MOV10L1: variants seen among roughly 807,000 people sequenced by gnomAD.
The protein encoded by MOV10L1 is RNA helicase Mov10l1.
A neutral mutation model predicts 143.8 loss-of-function variants in MOV10L1; 110 were observed. The ratio of observed to expected loss-of-function variants is 0.76; its 90% CI spans 0.66 to 0.90. MOV10L1 has a LOEUF of 0.90. Among genes scored for constraint, MOV10L1 ranks in the 40% least tolerant of loss-of-function variants. The pLI is 0.00. For synonymous variants in MOV10L1, 593 were observed against 581.1 expected (o/e 1.02, Z -0.29); for missense variants, 1,406 against 1,526.8 (o/e 0.92, Z 1.32).
chr22:50,151,303 T>C (rs2063292222), intron 21 of MOV10L1, among the ~76,000 whole-genome samples: 1 of 152,210 alleles, frequency 6.6e-6, no homozygotes, highest in African/African-American at 2.4e-5. Context: ...GATTTGCATC[T>C]TTGGAGCCCC....
chr22:50,127,763 A>G (rs540420215), intron 12 of MOV10L1, among the ~76,000 whole-genome samples: 215 of 150,762 alleles, frequency 1.4e-3, no homozygotes, highest in African/African-American at 5.1e-3. Context: ...TAAGTCTTGT[A>G]ATGACTGTTT....
chr22:50,107,670 G>A (rs959523877), intron 3 of MOV10L1, among the ~76,000 whole-genome samples: 17 of 152,160 alleles, frequency 1.1e-4, no homozygotes, highest in Non-Finnish European at 8.8e-5. Flanking sequence ...TCTTGCGTCC[G>A]GCAGGCCATG....
intron 3 of MOV10L1, among the ~76,000 whole-genome samples, chr22:50,100,864 C>G (rs1341562980): frequency 6.6e-6 from 1 of 152,148 alleles, no homozygotes; most frequent in Non-Finnish European, 1.5e-5. Context: ...GTTTTTATAC[C>G]TAAAGAAAGA....
intron 13 of MOV10L1, among the ~76,000 whole-genome samples, chr22:50,131,500 CT>C (rs1188229765): frequency 2.0e-5 from 3 of 152,126 alleles, no homozygotes; most frequent in Non-Finnish European, 2.9e-5. Context: ...AATGATGCAT[CT>C]CAGAAATCTG....
chr22:50,150,939 G>C, intron 21 of MOV10L1, 40 bp downstream of exon 21: 1 of 1,611,906 alleles, frequency 6.2e-7, no homozygotes, highest in South Asian at 1.1e-5. Flanking sequence ...CCCCAGCTAA[G>C]CAGACACAGG....
At chr22:50,136,013 CA>C (rs1374329824) in intron 15 of MOV10L1, among the ~76,000 whole-genome samples, 1 of 152,068 alleles carries the variant, frequency 6.6e-6, no homozygotes, top group African/African-American at 2.4e-5. Flanking sequence ...ATCTAATACT[CA>C]AAAATGCTCA....
chr22:50,134,272 C>T (rs1194803906), intron 14 of MOV10L1, among the ~76,000 whole-genome samples: 3 of 151,846 alleles, frequency 2.0e-5, no homozygotes, highest in Non-Finnish European at 4.4e-5. Flanking sequence ...CTTAAATAAC[C>T]GAAAATAAAT....
chr22:50,161,562 G>T lies in MOV10L1; in HGVS notation c.*113G>T, dbSNP rs1041400953. ...TTGTCTCGCAGCCAGGCAGGGTCGTGTGTGGGTGTGGGGCTGCCAGGTTGG... is the reference window on the plus strand; with the variant it reads ...TTGTCTCGCAGCCAGGCAGGGTCGTTTGTGGGTGTGGGGCTGCCAGGTTGG... On this transcript the variant is annotated 3_prime_UTR_variant, in exon 27 of 27. Coordinates refer to ENST00000262794, the MANE Select transcript of MOV10L1 (RefSeq NM_018995.3). 30 of 1,065,402 alleles carry T rather than the reference G, an allele frequency of 2.8e-5. No homozygotes were observed. The highest frequency in any genetic ancestry group is 3.6e-5 in the Non-Finnish European group (27 of 746,174). 66.0% of individuals were successfully genotyped at this position (1,065,402 alleles called of 1,614,324 possible).
chr22:50,143,552 G>A (rs2063050623), intron 17 of MOV10L1, among the ~76,000 whole-genome samples: 1 of 152,194 alleles, frequency 6.6e-6, no homozygotes, highest in East Asian at 1.9e-4. Flanking sequence ...TTGAAGTTAA[G>A]TTTATGAAAC....
chr22:50,114,268 C>T (rs2062106799), intron 6 of MOV10L1, 113 bp from the exon 7 acceptor site: 2 of 1,264,916 alleles, frequency 1.6e-6, no homozygotes, highest in Non-Finnish European at 2.2e-6. Flanking sequence ...GACTTATATT[C>T]ATAAGTGTAT....
At chr22:50,119,284 G>C (rs1021867013) in intron 9 of MOV10L1, among the ~76,000 whole-genome samples, 1 of 152,158 alleles carries the variant, frequency 6.6e-6, no homozygotes, top group African/African-American at 2.4e-5. Flanking sequence ...GGGTTGGCTC[G>C]AGCACACCTG....
At chr22:50,157,046 T>C (rs983795222) in intron 22 of MOV10L1, among the ~76,000 whole-genome samples, 3 of 152,172 alleles carry the variant, frequency 2.0e-5, no homozygotes, top group Admixed American at 2.0e-4. Flanking sequence ...ATAGTAGCCA[T>C]CTTAGTGGGA....
At chr22:50,140,967 A>G (rs185939022) in intron 15 of MOV10L1, among the ~76,000 whole-genome samples, 6 of 152,346 alleles carry the variant, frequency 3.9e-5, no homozygotes, top group African/African-American at 1.4e-4. Flanking sequence ...TACAGATCAT[A>G]ATGAAAAAAA....
In MOV10L1 at chr22:50,144,634, T is replaced by G. The variant is rs542584144; in HGVS notation, c.2505+391T>G. ...TCTCGCTGTGTCGCCCAGGCTGAAG[T>G]GCAGTGGCATGATCTCGGCTCACTG... is the stretch of plus-strand genomic sequence containing the variant. On this transcript the variant is annotated intron_variant, in intron 18 of 26. Transcript: ENST00000262794. 6.6e-5 allele frequency among the ~76,000 whole-genome samples: 10 copies of G among 152,208 alleles called. No homozygotes were observed. The East Asian group carries it at 1.7e-3, about 26-fold the overall frequency.
intron 2 of MOV10L1, among the ~76,000 whole-genome samples, chr22:50,098,703 G>C (rs893068966): frequency 2.6e-5 from 4 of 152,170 alleles, no homozygotes; most frequent in African/African-American, 7.2e-5. Flanking sequence ...AAAGATAATT[G>C]AAATTTGAAA....
At chr22:50,137,646 A>C (rs1458007704) in intron 15 of MOV10L1, among the ~76,000 whole-genome samples, 1 of 151,840 alleles carries the variant, frequency 6.6e-6, no homozygotes, top group African/African-American at 2.4e-5. Context: ...TGGAGATTGC[A>C]GTGAGCCAAG....
chr22:50,115,347 C>T, intron 8 of MOV10L1, 101 bp downstream of exon 8: 1 of 1,324,122 alleles, frequency 7.6e-7, no homozygotes, highest in South Asian at 2.2e-5. Context: ...GGTGGATCAC[C>T]TGAGACCAGG....
intron 19 of MOV10L1, among the ~76,000 whole-genome samples, chr22:50,148,266 C>T (rs1209626790): frequency 6.6e-6 from 1 of 152,236 alleles, no homozygotes; most frequent in Non-Finnish European, 1.5e-5. Flanking sequence ...ACTGAGGCCT[C>T]CTGACCACAG....
At position 50,161,667 on chromosome 22, in the gene MOV10L1, TAAAC is replaced by T. The variant is rs2063562636; in HGVS notation, c.*219_*222del. 3.8e-6 allele frequency: 2 copies of T among 519,532 alleles called. No homozygotes were observed. The highest frequency in any genetic ancestry group is 6.8e-6 in the Non-Finnish European group (2 of 292,118). The allele number at this position is 519,532 out of a possible 1,614,324, so 32.2% of individuals were successfully genotyped here. ...GCAGTCACTGCCGCCTACCCTGAAA[TAAAC>T]CCTCGAGTGACCCCCAGAAGCCTTT... On this transcript the variant is annotated 3_prime_UTR_variant, in exon 27 of 27. Coordinates refer to ENST00000262794, the MANE Select transcript of MOV10L1 (RefSeq NM_018995.3).
Sources: gnomAD v4.1 joint callset for allele counts (sites outside exome capture counted in the v4.1 genomes callset) on GRCh38, gnomAD v4.1.1 for gene constraint, MANE v1.5 for transcripts, NCBI Gene and HGNC (gene_info 2026-07-23, HGNC 2026-07-21) for gene names.